FRMD5: variants seen among roughly 807,000 people sequenced by gnomAD.
The protein encoded by FRMD5 is FERM domain-containing protein 5.
FRMD5 carries 20 observed loss-of-function variants against 69.0 expected under a neutral mutation model. That is an observed-to-expected ratio of 0.29 (90% CI 0.20 to 0.42). FRMD5 has a LOEUF of 0.42. FRMD5 is among the 10% of genes least tolerant of loss of function. The probability of loss-of-function intolerance (pLI) is 1.00; values close to 1 mark genes in which losing one functional copy is unlikely to be tolerated. For missense variants in FRMD5, 595 were observed against 708.6 expected (o/e 0.84, Z 1.82); for synonymous variants, 271 against 260.1 (o/e 1.04, Z -0.40).
chr15:43,904,806 T>C (rs1339056855), intron 6 of FRMD5, among the ~76,000 whole-genome samples: 1 of 152,194 alleles, frequency 6.6e-6, no homozygotes, highest in East Asian at 1.9e-4. Context: ...TCCTACTTCA[T>C]GTGGGTGAAA....
At chr15:44,086,594 T>C (rs1894205967) in intron 1 of FRMD5, among the ~76,000 whole-genome samples, 1 of 152,128 alleles carries the variant, frequency 6.6e-6, no homozygotes, top group Non-Finnish European at 1.5e-5. Flanking sequence ...GGGTTTCCTT[T>C]TGGGGTGATG....
At chr15:44,143,066 C>A (rs565029762) in intron 1 of FRMD5, among the ~76,000 whole-genome samples, 3 of 150,486 alleles carry the variant, frequency 2.0e-5, no homozygotes, top group Middle Eastern at 6.3e-3. Context: ...CACTCCAGCT[C>A]GGGTGACACA....
chr15:44,023,558 G>A (rs1403893537), intron 1 of FRMD5, among the ~76,000 whole-genome samples: 1 of 152,096 alleles, frequency 6.6e-6, no homozygotes, highest in Non-Finnish European at 1.5e-5. Flanking sequence ...AAAGAAATAA[G>A]CTCCTCTCAA....
chr15:43,878,954 A>C (rs1440865998), intron 13 of FRMD5, among the ~76,000 whole-genome samples: 1 of 103,108 alleles, frequency 9.7e-6, no homozygotes, highest in African/African-American at 4.0e-5. Flanking sequence ...TTTTTTTGAG[A>C]TGGAATCTCA....
chr15:43,923,345 G>A (rs2089529398), intron 2 of FRMD5, among the ~76,000 whole-genome samples: 2 of 152,186 alleles, frequency 1.3e-5, no homozygotes. Flanking sequence ...GCTATAACAG[G>A]GTAGCAGAGG....
In FRMD5 at chr15:43,885,729, G is replaced by C. The variant is rs1191376572; in HGVS notation, c.911C>G (p.Thr304Arg). 4 of 1,614,190 alleles carry C rather than the reference G, an allele frequency of 2.5e-6. No homozygotes were observed. The highest frequency in any genetic ancestry group is 1.3e-5 in the African/African-American group (1 of 75,050). The change falls in exon 11 of 14, where the codon ACA becomes AGA. Residue 304 changes from threonine (T) to arginine (R), a missense_variant. Physicochemically the swap from Thr to Arg is moderately conservative, Grantham distance 71. This residue lies in a region of FRMD5 where 176 missense variants were observed against 266.3 expected (regional missense o/e 0.66). Transcript: ENST00000417257. ...AAAGAATAAATTGCTGCTGGACACT[G>C]TGCGGACTTGGCTTGACTTCTCCAG... Reference protein sequence around the residue: ...YKLEKSSQVRTVSSSNLFFKG... With the variant: ...YKLEKSSQVRRVSSSNLFFKG...
chr15:43,904,184 GAGTGA>G (rs2089116231), intron 6 of FRMD5, among the ~76,000 whole-genome samples: 2 of 152,282 alleles, frequency 1.3e-5, no homozygotes, highest in African/African-American at 4.8e-5. Context: ...TAAAATCATT[GAGTGA>G]AGGGTTTCTG....
At chr15:43,941,872 C>T (rs751395567) in intron 1 of FRMD5, among the ~76,000 whole-genome samples, 7 of 152,106 alleles carry the variant, frequency 4.6e-5, no homozygotes, top group African/African-American at 1.2e-4. Flanking sequence ...CATCTGAAGA[C>T]GTAGTCCATC....
chr15:44,014,349 T>C (rs1890859704), intron 1 of FRMD5, among the ~76,000 whole-genome samples: 1 of 152,252 alleles, frequency 6.6e-6, no homozygotes, highest in Non-Finnish European at 1.5e-5. Context: ...GGCCAAACTT[T>C]CTGGGTTCAA....
chr15:44,183,394 T>G (rs1595566628), intron 1 of FRMD5, among the ~76,000 whole-genome samples: 1 of 152,160 alleles, frequency 6.6e-6, no homozygotes, highest in Non-Finnish European at 1.5e-5. Context: ...AAGATGTGAA[T>G]GGGCCCACCA....
rs146686403 is a variant in FRMD5, at chr15:44,014,850, G to A, written c.103-90541C>T. Among the ~76,000 whole-genome samples, 76 of 152,304 alleles carry A rather than the reference G, an allele frequency of 5.0e-4. 1 individual carries two copies. The highest frequency in any genetic ancestry group is 6.5e-4 in the Non-Finnish European group (44 of 68,030). ...AAAGCTATATGAGCATTAACTAAAC[G>A]AGCACATCAGGCATGTGTAAGTTGC... On this transcript the variant is annotated intron_variant, in intron 1 of 13. Transcript: ENST00000417257.
At chr15:43,937,531 G>A (rs1029892169) in intron 1 of FRMD5, among the ~76,000 whole-genome samples, 2 of 152,020 alleles carry the variant, frequency 1.3e-5, no homozygotes, top group East Asian at 3.9e-4. Flanking sequence ...CCAGCTACTA[G>A]GGAGGCTGAG....
chr15:44,058,149 C>G (rs1182073434), intron 1 of FRMD5, among the ~76,000 whole-genome samples: 1 of 152,092 alleles, frequency 6.6e-6, no homozygotes, highest in Non-Finnish European at 1.5e-5. Flanking sequence ...ATGAGAATTA[C>G]AAGACCACAT....
Position 43,891,942 on chromosome 15 carries a change from G to A in FRMD5, c.728+39C>T, listed in dbSNP as rs781015529. The A allele has an allele frequency of 4.5e-6, 7 of 1,551,684 alleles. No individual in the cohort carries two copies. The South Asian group carries it at 7.8e-5, about 17-fold the overall frequency. On this transcript the variant is annotated intron_variant, in intron 8 of 13. Coordinates refer to ENST00000417257, the MANE Select transcript of FRMD5 (RefSeq NM_032892.5). ...GAACCGTCGCCCCTCCCCAGTTGGT[G>A]AGATATAAAGAGCCTATTTTGGAAA...
At chr15:44,076,740 A>T (rs1407603503) in intron 1 of FRMD5, among the ~76,000 whole-genome samples, 4 of 151,174 alleles carry the variant, frequency 2.6e-5, no homozygotes, top group Non-Finnish European at 5.9e-5. Context: ...AACCTGCACA[A>T]TGTGCACATG....
intron 1 of FRMD5, among the ~76,000 whole-genome samples, chr15:43,976,813 T>G (rs929784881): frequency 2.0e-5 from 3 of 151,832 alleles, no homozygotes; most frequent in Non-Finnish European, 4.4e-5. Flanking sequence ...ATTACAGGCA[T>G]GTACTACCAT....
chr15:44,011,986 A>G (rs952623015), intron 1 of FRMD5, among the ~76,000 whole-genome samples: 7 of 152,142 alleles, frequency 4.6e-5, no homozygotes, highest in African/African-American at 1.7e-4. Context: ...GGGCTATTCA[A>G]TTCATATTTG....
intron 1 of FRMD5, among the ~76,000 whole-genome samples, chr15:44,121,815 C>T (rs1161113249): frequency 6.6e-6 from 1 of 151,486 alleles, no homozygotes; most frequent in Admixed American, 6.6e-5. Flanking sequence ...GCCAATATGG[C>T]GAAACCCTGT....
chr15:44,116,232 G>T (rs1052252995), intron 1 of FRMD5, among the ~76,000 whole-genome samples: 8 of 150,432 alleles, frequency 5.3e-5, no homozygotes, highest in African/African-American at 1.7e-4. Flanking sequence ...TATATAGAGA[G>T]AGAGAGAGAG....
Sources: allele counts gnomAD v4.1 joint callset (sites outside exome capture counted in the v4.1 genomes callset), GRCh38; gene constraint gnomAD v4.1.1; regional missense constraint gnomAD v4.1.1; transcripts MANE v1.5; gene names NCBI Gene and HGNC (gene_info 2026-07-23, HGNC 2026-07-21).